Variants in LRRC4C observed in about 807,000 individuals in gnomAD.
The protein encoded by LRRC4C is leucine-rich repeat-containing protein 4C.
In LRRC4C, 5 loss-of-function variants were observed where a neutral mutation model predicts 33.6. The ratio of observed to expected loss-of-function variants is 0.15; its 90% CI spans 0.08 to 0.31. The LOEUF (loss-of-function observed/expected upper bound fraction) is 0.31. Ranked by LOEUF, LRRC4C falls within the 10% of genes least tolerant of loss-of-function variation. The pLI is 1.00. For missense variants in LRRC4C, 560 were observed against 796.7 expected, an observed-to-expected ratio of 0.70 and a Z score of 3.58; for synonymous variants, 329 against 302.0, an observed-to-expected ratio of 1.09 and a Z score of -0.93.
At chr11:40,398,455 C>T (rs148136294) in intron 3 of LRRC4C, among the ~76,000 whole-genome samples, 8 of 152,062 alleles carry the variant, frequency 5.3e-5, no homozygotes, top group Non-Finnish European at 1.0e-4. Flanking sequence ...TACTAAGATC[C>T]CAATATGAGT....
At chr11:41,332,380 C>G (rs1308199794) in intron 1 of LRRC4C, among the ~76,000 whole-genome samples, 1 of 152,056 alleles carries the variant, frequency 6.6e-6, no homozygotes, top group Admixed American at 6.6e-5. Flanking sequence ...TGCCCAGCTA[C>G]CACCACAAGC....
intron 1 of LRRC4C, among the ~76,000 whole-genome samples, chr11:41,133,443 T>C (rs1943108342): frequency 6.6e-6 from 1 of 152,054 alleles, no homozygotes; most frequent in Admixed American, 6.6e-5. Flanking sequence ...TGAATGTGTA[T>C]CTGTTAGTTA....
chr11:40,193,094 C>T lies in LRRC4C; in HGVS notation c.-96+48425G>A, dbSNP rs984843782. ...GCAGAGGATCTCCCAGCACAGTGCT[C>T]GAGCTCTGCTAAGGGTCAGGCTGCC... On this transcript the variant is annotated intron_variant, in intron 5 of 6. Transcript: ENST00000528697. 2.6e-5 allele frequency among the ~76,000 whole-genome samples: 4 copies of T among 152,152 alleles called. No individual in the cohort carries two copies. In the East Asian group the frequency reaches 5.8e-4, roughly 22 times the overall value.
intron 2 of LRRC4C, among the ~76,000 whole-genome samples, chr11:40,778,028 T>C (rs1950077125): frequency 6.6e-6 from 1 of 152,138 alleles, no homozygotes; most frequent in South Asian, 2.1e-4. Context: ...CCCTGTACCT[T>C]TTAAGTAGGG....
chr11:40,848,894 T>C (rs56149821), intron 2 of LRRC4C, among the ~76,000 whole-genome samples: 4,936 of 152,324 alleles, frequency 0.032, 137 homozygotes, highest in South Asian at 0.088. Context: ...TTTACCATTA[T>C]CTAATGCCTT....
chr11:40,936,715 C>A (rs1032427957), intron 1 of LRRC4C, among the ~76,000 whole-genome samples: 2 of 152,046 alleles, frequency 1.3e-5, no homozygotes, highest in African/African-American at 4.8e-5. Context: ...TTATTTAATT[C>A]TCAACGCTGT....
chr11:40,684,697 A>C (rs1944871327), intron 2 of LRRC4C, among the ~76,000 whole-genome samples: 1 of 152,058 alleles, frequency 6.6e-6, no homozygotes, highest in Non-Finnish European at 1.5e-5. Context: ...ATAAATACCA[A>C]AGAAAAAAAG....
chr11:40,857,451 T>C (rs1186266688), intron 2 of LRRC4C, among the ~76,000 whole-genome samples: 1 of 152,196 alleles, frequency 6.6e-6, no homozygotes, highest in African/African-American at 2.4e-5. Context: ...ATGTGGTGTT[T>C]GGTTTTCTGT....
chr11:41,029,926 A>G (rs1856607973), intron 1 of LRRC4C, among the ~76,000 whole-genome samples: 1 of 151,856 alleles, frequency 6.6e-6, no homozygotes. Context: ...GAAAGTGAGA[A>G]AATAGGTCCA....
intron 3 of LRRC4C, among the ~76,000 whole-genome samples, chr11:40,357,296 G>A (rs1947714307): frequency 6.6e-6 from 1 of 152,062 alleles, no homozygotes; most frequent in African/African-American, 2.4e-5. Flanking sequence ...TGTGTTTATA[G>A]CTCTGAGACT....
chr11:41,408,565 G>C (rs538762790), intron 1 of LRRC4C, among the ~76,000 whole-genome samples: 2 of 152,002 alleles, frequency 1.3e-5, no homozygotes, highest in Non-Finnish European at 2.9e-5. Context: ...TTAAGTATCT[G>C]CCAGGATACC....
chr11:41,176,973 AAAACAAAACAAAACAAAAC>A (rs1178082117), intron 1 of LRRC4C, among the ~76,000 whole-genome samples: 1 of 1,124 alleles, frequency 8.9e-4, no homozygotes, highest in Non-Finnish European at 0.012. Context: ...TCTATAAAAC[AAAACAAAACAAAACAAAAC>A]AAAACAAAAC....
At position 41,448,122 on chromosome 11, in the gene LRRC4C, G is replaced by GTTTTTTTTTTTTTTTGTTTT. The variant is rs1955889161; in HGVS notation, c.-496+11308_-496+11309insAAAACAAAAAAAAAAAAAAA. Among the ~76,000 whole-genome samples the GTTTTTTTTTTTTTTTGTTTT allele has an allele frequency of 4.3e-5, 2 of 46,948 alleles. 1 individual carries two copies. The highest frequency in any genetic ancestry group is 8.7e-5 in the Non-Finnish European group (2 of 22,918). The allele number at this position is 46,948 out of a possible 152,430, so 30.8% of individuals were successfully genotyped here. On this transcript the variant is annotated intron_variant, in intron 1 of 6. Transcript: ENST00000528697. ...ACAAACGAGGCTGCTGCACACGTCT[G>GTTTTTTTTTTTTTTTGTTTT]TTTTTTTTTTTTTTTTTTTTGGAGC...
intron 2 of LRRC4C, among the ~76,000 whole-genome samples, chr11:40,846,976 C>T (rs1284608574): frequency 6.6e-6 from 1 of 152,068 alleles, no homozygotes; most frequent in Non-Finnish European, 1.5e-5. Flanking sequence ...TATAGGAATG[C>T]TTGTGATTTT....
At position 40,798,748 on chromosome 11, in the gene LRRC4C, A is replaced by G. The variant is rs986748597; in HGVS notation, c.-407+134887T>C. 4.3e-4 allele frequency among the ~76,000 whole-genome samples: 64 copies of G among 150,478 alleles called. 1 individual carries two copies. In the Admixed American group the frequency reaches 4.3e-3, roughly 10 times the overall value. ...AACCTCTGCCTACTGGGTTCAAGTG[A>G]TTCTCCTGCCTCAGCCTCCCAAGTA... On this transcript the variant is annotated intron_variant, in intron 2 of 6. Coordinates refer to ENST00000528697, the MANE Select transcript of LRRC4C (RefSeq NM_001258419.2).
intron 3 of LRRC4C, among the ~76,000 whole-genome samples, chr11:40,461,051 G>A (rs913550211): frequency 6.6e-6 from 1 of 152,056 alleles, no homozygotes; most frequent in Non-Finnish European, 1.5e-5. Flanking sequence ...AAATGCCCAA[G>A]CCTAAAGTTT....
chr11:41,303,867 G>A (rs1274081373), intron 1 of LRRC4C, among the ~76,000 whole-genome samples: 2 of 49,658 alleles, frequency 4.0e-5, no homozygotes, highest in Non-Finnish European at 8.6e-5. Flanking sequence ...CCCCGTCTGA[G>A]AAGTGAGGAG....
intron 6 of LRRC4C, among the ~76,000 whole-genome samples, chr11:40,124,427 G>T (rs990611871): frequency 6.6e-6 from 1 of 152,114 alleles, no homozygotes; most frequent in Non-Finnish European, 1.5e-5. Flanking sequence ...ACAGATAAAT[G>T]AATTTTTAAA....
intron 3 of LRRC4C, among the ~76,000 whole-genome samples, chr11:40,415,262 G>C (rs564924286): frequency 1.7e-4 from 26 of 152,328 alleles, no homozygotes; most frequent in South Asian, 6.2e-4. Context: ...AATTTGTGTA[G>C]TCACATACAA....
Sources: allele counts gnomAD v4.1 joint callset (sites outside exome capture counted in the v4.1 genomes callset), GRCh38; gene constraint gnomAD v4.1.1; transcripts MANE v1.5; gene names NCBI Gene and HGNC (gene_info 2026-07-23, HGNC 2026-07-21).